The following ABI2 variants were observed in gnomAD, a reference collection of about 807,000 sequenced individuals.
ABI2 encodes abelson interactor 2.
A neutral mutation model predicts 59.2 loss-of-function variants in ABI2; 25 were observed. The observed-to-expected ratio is 0.42, with a 90% CI of 0.31 to 0.59. The LOEUF (loss-of-function observed/expected upper bound fraction) is 0.59, where lower values mean the gene tolerates loss of function less well. Among genes scored for constraint, ABI2 ranks in the 20% least tolerant of loss-of-function variants. The pLI is 0.14. For synonymous variants in ABI2, 213 were observed against 235.5 expected (o/e 0.90, Z 0.87); for missense variants, 545 against 681.8 (o/e 0.80, Z 2.23).
intron 1 of ABI2, among the ~76,000 whole-genome samples, chr2:203,357,509 A>C (rs1056942054): frequency 3.9e-5 from 6 of 152,198 alleles, no homozygotes; most frequent in Non-Finnish European, 7.3e-5. Context: ...TTTTATTTCT[A>C]AATAACCTCC....
At position 203,396,919 on chromosome 2, in the gene ABI2, G is replaced by T; in HGVS notation, c.985G>T (p.Gly329Cys). The T allele has an allele frequency of 6.6e-7, 1 of 1,524,742 alleles. No homozygotes were observed. The highest frequency in any genetic ancestry group is 8.8e-7 in the Non-Finnish European group (1 of 1,142,510). The allele number at this position is 1,524,742 out of a possible 1,614,324, so 94.5% of individuals were successfully genotyped here. The change falls in exon 8 of 12, where the codon GGC becomes TGC. Residue 329 changes from glycine to cysteine, a missense_variant. Physicochemically the swap from Gly to Cys is radical, Grantham distance 159. This residue lies in a region of ABI2 where 410 missense variants were observed against 435.6 expected (regional missense o/e 0.94). Transcript: ENST00000261018. ...AAGGAQTLAD[G>C]FTSPTPPVVS... ...TGGGGGTGCCCAGACCCTTGCTGATGGCTTCACTTCTCCAACTCCCCCTGT... is the reference window on the plus strand; with the variant it reads ...TGGGGGTGCCCAGACCCTTGCTGATTGCTTCACTTCTCCAACTCCCCCTGT...
chr2:203,395,515 C>T (rs1002135308), intron 6 of ABI2, 141 bp from the exon 7 acceptor site: 1 of 803,936 alleles, frequency 1.2e-6, no homozygotes, highest in African/African-American at 1.8e-5. Flanking sequence ...TGACTTGGAG[C>T]TCAAGGAAAT....
At chr2:203,398,734 G>A (rs1180310650) in intron 8 of ABI2, among the ~76,000 whole-genome samples, 1 of 151,990 alleles carries the variant, frequency 6.6e-6, no homozygotes, top group Non-Finnish European at 1.5e-5. Flanking sequence ...CCAGCTCCTG[G>A]TAAGCCCTTG....
chr2:203,400,798 T>C (rs2097188641), intron 8 of ABI2, among the ~76,000 whole-genome samples: 1 of 152,198 alleles, frequency 6.6e-6, no homozygotes, highest in Non-Finnish European at 1.5e-5. Flanking sequence ...TGAAAAATTG[T>C]CAAAGTGTTG....
At chr2:203,372,896 C>G (rs1224718165) in intron 2 of ABI2, among the ~76,000 whole-genome samples, 11 of 152,152 alleles carry the variant, frequency 7.2e-5, no homozygotes, top group Middle Eastern at 3.4e-3. Flanking sequence ...CCCCACATCT[C>G]AGGCGATGGG....
Position 203,402,755 on chromosome 2 carries a change from G to A in ABI2, c.1192+21G>A, listed in dbSNP as rs373302782. ...TCCAGGTTAGTTTTTTTGTTTTTTTGCATTCTATAGAATGTATTTAATTAA... is the reference window on the plus strand; with the variant it reads ...TCCAGGTTAGTTTTTTTGTTTTTTTACATTCTATAGAATGTATTTAATTAA... On this transcript the variant is annotated intron_variant, in intron 9 of 11. Transcript: ENST00000261018. 4 of 1,538,994 alleles carry A rather than the reference G, an allele frequency of 2.6e-6. No individual in the cohort carries two copies. The East Asian group carries it at 9.3e-5, about 36-fold the overall frequency.
At chr2:203,363,121 G>A (rs2093766285) in intron 1 of ABI2, among the ~76,000 whole-genome samples, 1 of 149,188 alleles carries the variant, frequency 6.7e-6, no homozygotes, top group Admixed American at 6.8e-5. Flanking sequence ...GTGGCCCAGT[G>A]CACCTGGCAG....
intron 1 of ABI2, among the ~76,000 whole-genome samples, chr2:203,342,027 ACT>A (rs537430592): frequency 2.5e-3 from 375 of 152,156 alleles, no homozygotes; most frequent in African/African-American, 3.1e-3. Flanking sequence ...TTTACCTCTG[ACT>A]CTGCTAAACT....
At chr2:203,385,480 A>G (rs1048944263) in intron 4 of ABI2, among the ~76,000 whole-genome samples, 3 of 152,190 alleles carry the variant, frequency 2.0e-5, no homozygotes, top group African/African-American at 7.2e-5. Context: ...CAGCCAGCAA[A>G]TTAAGAATAT....
intron 10 of ABI2, 65 bp from the exon 11 acceptor site, chr2:203,416,843 C>A: frequency 6.9e-7 from 1 of 1,451,440 alleles, no homozygotes; most frequent in Non-Finnish European, 9.2e-7. Flanking sequence ...AACCCAGAAG[C>A]TTGGATAGGA....
intron 4 of ABI2, among the ~76,000 whole-genome samples, chr2:203,385,136 A>ATTTTTTTTTTTTTTTTTTTTT (rs1231169110): frequency 7.2e-4 from 19 of 26,208 alleles, no homozygotes; most frequent in Admixed American, 1.5e-3. Flanking sequence ...CCCGGCTCAG[A>ATTTTTTTTTTTTTTTTTTTTT]TTCTTTTTTT....
chr2:203,367,146 T>C lies in ABI2; in HGVS notation c.285+102T>C. On this transcript the variant is annotated intron_variant, in intron 2 of 11. Coordinates refer to ENST00000261018, the MANE Select transcript of ABI2 (RefSeq NM_001375670.1). ...CTTTTATTATGTAAGTTAACTCACA[T>C]GTACGATTTGGAAAATAGCAACTTA... 6 of 1,354,782 alleles carry C rather than the reference T, an allele frequency of 4.4e-6. No homozygotes were observed. The South Asian group carries it at 6.7e-5, about 15-fold the overall frequency. The allele number at this position is 1,354,782 out of a possible 1,614,324, so 83.9% of individuals were successfully genotyped here.
chr2:203,342,166 GT>G, intron 1 of ABI2: 1 of 450,856 alleles, frequency 2.2e-6, no homozygotes, highest in South Asian at 1.6e-5. Flanking sequence ...TTTATTATAT[GT>G]TTTTTTCCTT....
chr2:203,400,764 A>G (rs925429577), intron 8 of ABI2, among the ~76,000 whole-genome samples: 1 of 152,190 alleles, frequency 6.6e-6, no homozygotes, highest in Admixed American at 6.5e-5. Flanking sequence ...GTCATATAAA[A>G]CCATTTTATA....
intron 9 of ABI2, among the ~76,000 whole-genome samples, chr2:203,404,182 G>T (rs2097336543): frequency 6.6e-6 from 1 of 152,168 alleles, no homozygotes; most frequent in Non-Finnish European, 1.5e-5. Flanking sequence ...GAAAGCCTGA[G>T]ACCTTGTCAG....
At chr2:203,345,231 A>G (rs1286047508) in intron 1 of ABI2, among the ~76,000 whole-genome samples, 1 of 152,010 alleles carries the variant, frequency 6.6e-6, no homozygotes, top group Non-Finnish European at 1.5e-5. Flanking sequence ...GGAACAAATA[A>G]CTCCAGACAC....
chr2:203,382,111 T>C, intron 3 of ABI2, 78 bp from the exon 4 acceptor site: 1 of 1,260,326 alleles, frequency 7.9e-7, no homozygotes. Context: ...TTCCTTTCTC[T>C]TCACATCCTG....
intron 1 of ABI2, among the ~76,000 whole-genome samples, chr2:203,330,176 A>G (rs2072114653): frequency 6.9e-6 from 1 of 145,634 alleles, no homozygotes; most frequent in South Asian, 2.3e-4. Flanking sequence ...ACATACTGTT[A>G]TCTTGTAGAC....
chr2:203,332,750 CT>C lies in ABI2; in HGVS notation c.117+4121del, dbSNP rs2074429295. On this transcript the variant is annotated intron_variant, in intron 1 of 11. Coordinates refer to ENST00000261018, the MANE Select transcript of ABI2 (RefSeq NM_001375670.1). ...AGAATTTTTATTACAATATAGTTGTCTTAATGTTTTGGTAGATGAAATAACT... is the reference window on the plus strand; with the variant it reads ...AGAATTTTTATTACAATATAGTTGTCTAATGTTTTGGTAGATGAAATAACT... Among the ~76,000 whole-genome samples, 4 of 152,268 alleles carry C rather than the reference CT, an allele frequency of 2.6e-5. No homozygotes were observed. The South Asian group carries it at 8.3e-4, about 32-fold the overall frequency.
Sources: allele counts gnomAD v4.1 joint callset (sites outside exome capture counted in the v4.1 genomes callset), GRCh38; gene constraint gnomAD v4.1.1; regional missense constraint gnomAD v4.1.1; transcripts MANE v1.5; gene names NCBI Gene and HGNC (gene_info 2026-07-23, HGNC 2026-07-21).